The following LRP1B variants were observed in gnomAD, a reference collection of about 807,000 sequenced individuals.
LRP1B encodes the protein low-density lipoprotein receptor-related protein 1B.
Under a neutral mutation model 556.6 loss-of-function variants are expected in LRP1B, and 217 were observed. The observed-to-expected ratio is 0.39, with a 90% CI of 0.35 to 0.44. The LOEUF (loss-of-function observed/expected upper bound fraction) is 0.44. Ranked by LOEUF, LRP1B falls within the 20% of genes least tolerant of loss-of-function variation. The probability of loss-of-function intolerance (pLI) is 1.00; values close to 1 mark genes in which losing one functional copy is unlikely to be tolerated. For missense variants in LRP1B, 5,053 were observed against 5,620.8 expected, an observed-to-expected ratio of 0.90 and a Z score of 3.23; for synonymous variants, 2,047 against 1,865.8, an observed-to-expected ratio of 1.10 and a Z score of -2.50.
At chr2:141,668,729 G>T (rs1035511773) in intron 2 of LRP1B, among the ~76,000 whole-genome samples, 1 of 152,128 alleles carries the variant, frequency 6.6e-6, no homozygotes, top group African/African-American at 2.4e-5. Context: ...ACAAGGTCAG[G>T]TACCAAGAAG....
rs575194551 is a variant in LRP1B at position 140,968,581 on chromosome 2, G to A, written c.2887+13579C>T. Among the ~76,000 whole-genome samples the A allele has an allele frequency of 2.6e-5, 4 of 151,164 alleles. No homozygotes were observed. The South Asian group carries it at 6.3e-4, about 24-fold the overall frequency. ...TCTTGCCTTCTGCTAGCTTTTGAAT[G>A]TGTTTGCTCTTGCTTCTCTAGTTCT... On this transcript the variant is annotated intron_variant, in intron 18 of 90. Coordinates refer to ENST00000389484, the MANE Select transcript of LRP1B (RefSeq NM_018557.3).
At chr2:141,978,853 T>A (rs936588465) in intron 1 of LRP1B, among the ~76,000 whole-genome samples, 2 of 152,004 alleles carry the variant, frequency 1.3e-5, no homozygotes, top group Non-Finnish European at 2.9e-5. Flanking sequence ...TACATGTGCA[T>A]ATGTACGTTT....
At chr2:141,331,204 A>C (rs979368972) in intron 3 of LRP1B, among the ~76,000 whole-genome samples, 4 of 152,176 alleles carry the variant, frequency 2.6e-5, no homozygotes, top group Non-Finnish European at 5.9e-5. Flanking sequence ...ACTGTCAGTC[A>C]AGTAGTCAAG....
At chr2:141,378,749 T>C (rs1177103108) in intron 3 of LRP1B, among the ~76,000 whole-genome samples, 1 of 152,156 alleles carries the variant, frequency 6.6e-6, no homozygotes, top group Non-Finnish European at 1.5e-5. Flanking sequence ...AATAGCAGGT[T>C]TGAACAGCAG....
chr2:141,554,637 T>C (rs1417362264), intron 2 of LRP1B, among the ~76,000 whole-genome samples: 1 of 151,908 alleles, frequency 6.6e-6, no homozygotes, highest in African/African-American at 2.4e-5. Context: ...TACTTATGGA[T>C]TTTACATTTT....
intron 41 of LRP1B, 152 bp from the exon 42 acceptor site, chr2:140,601,791 T>C: frequency 5.9e-6 from 3 of 507,580 alleles, no homozygotes; most frequent in South Asian, 1.2e-4. Context: ...GTCATTGTGA[T>C]ACCTACAATT....
At chr2:140,407,519 G>T (rs1684793297) in intron 66 of LRP1B, among the ~76,000 whole-genome samples, 1 of 151,950 alleles carries the variant, frequency 6.6e-6, no homozygotes, top group African/African-American at 2.4e-5. Flanking sequence ...GTGGGCAAAT[G>T]ACATGGATAG....
intron 2 of LRP1B, among the ~76,000 whole-genome samples, chr2:141,683,156 G>A (rs1182305385): frequency 3.3e-5 from 5 of 152,148 alleles, no homozygotes; most frequent in African/African-American, 1.2e-4. Flanking sequence ...GGTACTGGAA[G>A]TGGGGTGCTG....
At position 141,613,946 on chromosome 2, in the gene LRP1B, G is replaced by A. The variant is rs143845399; in HGVS notation, c.206-133413C>T. Among the ~76,000 whole-genome samples, 26 of 151,332 alleles carry A rather than the reference G, an allele frequency of 1.7e-4. No homozygotes were observed. The East Asian group carries it at 4.3e-3, about 25-fold the overall frequency. On this transcript the variant is annotated intron_variant, in intron 2 of 90. Coordinates refer to ENST00000389484, the MANE Select transcript of LRP1B (RefSeq NM_018557.3). ...AAATCAGCCAGGTGTAGTGGCAGGC[G>A]CCTATAATCCCAGCTACTCGGGAGG... is the stretch of plus-strand genomic sequence containing the variant.
At chr2:141,946,473 G>A (rs1293424700) in intron 1 of LRP1B, among the ~76,000 whole-genome samples, 1 of 152,152 alleles carries the variant, frequency 6.6e-6, no homozygotes, top group Non-Finnish European at 1.5e-5. Context: ...GCAAATAGAA[G>A]AAAGTCTAGG....
At chr2:142,023,898 T>C (rs1332553178) in intron 1 of LRP1B, among the ~76,000 whole-genome samples, 1 of 152,186 alleles carries the variant, frequency 6.6e-6, no homozygotes, top group Non-Finnish European at 1.5e-5. Flanking sequence ...TTCCCTCTAG[T>C]TTTGCTTTTA....
At chr2:140,914,398 AG>A (rs1322618556) in intron 21 of LRP1B, among the ~76,000 whole-genome samples, 2 of 152,178 alleles carry the variant, frequency 1.3e-5, no homozygotes, top group Admixed American at 1.3e-4. Flanking sequence ...TTTAAATCTG[AG>A]CATACAGGGG....
chr2:141,317,993 T>G (rs1336529732), intron 3 of LRP1B, among the ~76,000 whole-genome samples: 1 of 152,100 alleles, frequency 6.6e-6, no homozygotes, highest in Non-Finnish European at 1.5e-5. Context: ...ATTCTTGCAC[T>G]GTCAGTCCCT....
intron 11 of LRP1B, among the ~76,000 whole-genome samples, chr2:141,046,851 G>A (rs1698885263): frequency 6.6e-6 from 1 of 152,066 alleles, no homozygotes; most frequent in Non-Finnish European, 1.5e-5. Flanking sequence ...GGAAGCTGAG[G>A]CAGGCAGATC....
intron 2 of LRP1B, among the ~76,000 whole-genome samples, chr2:141,490,965 G>A (rs1683311365): frequency 1.4e-5 from 2 of 139,958 alleles, no homozygotes; most frequent in African/African-American, 5.5e-5. Context: ...ATCTCTTACA[G>A]CCCTGTTCTT....
chr2:142,071,205 A>G (rs1705298674), intron 1 of LRP1B, among the ~76,000 whole-genome samples: 3 of 151,966 alleles, frequency 2.0e-5, no homozygotes, highest in African/African-American at 7.2e-5. Context: ...CTAAACCTCA[A>G]TCATTGTTGC....
At chr2:142,101,227 T>C (rs1445601851) in intron 1 of LRP1B, among the ~76,000 whole-genome samples, 1 of 151,944 alleles carries the variant, frequency 6.6e-6, no homozygotes, top group African/African-American at 2.4e-5. Flanking sequence ...ATCCTTGGCA[T>C]TGTAGGTTGG....
At chr2:142,038,993 T>C (rs1452425041) in intron 1 of LRP1B, among the ~76,000 whole-genome samples, 1 of 151,560 alleles carries the variant, frequency 6.6e-6, no homozygotes, top group Admixed American at 6.6e-5. Context: ...TTGCTCATGT[T>C]TTCCTTGCTC....
At chr2:141,356,609 T>C (rs1227238040) in intron 3 of LRP1B, among the ~76,000 whole-genome samples, 2 of 151,934 alleles carry the variant, frequency 1.3e-5, no homozygotes, top group South Asian at 4.1e-4. Context: ...AAGACATTTT[T>C]CTGTGGAAAT....
Sources: allele counts gnomAD v4.1 joint callset (sites outside exome capture counted in the v4.1 genomes callset), GRCh38; gene constraint gnomAD v4.1.1; transcripts MANE v1.5; gene names NCBI Gene and HGNC (gene_info 2026-07-23, HGNC 2026-07-21).